CORO1C: variants seen among roughly 807,000 people sequenced by gnomAD.
CORO1C encodes coronin 1C.
CORO1C carries 14 observed loss-of-function variants against 51.2 expected under a neutral mutation model. The ratio of observed to expected loss-of-function variants is 0.27; its 90% CI spans 0.18 to 0.43. The LOEUF is 0.43. Ranked by LOEUF, CORO1C falls within the 20% of genes least tolerant of loss-of-function variation. CORO1C has a pLI of 1.00. For missense variants in CORO1C, 417 were observed against 607.8 expected (o/e 0.69, Z 3.30); for synonymous variants, 181 against 210.5 (o/e 0.86, Z 1.21).
chr12:108,717,345 A>G (rs1291886285), intron 1 of CORO1C, among the ~76,000 whole-genome samples: 1 of 152,268 alleles, frequency 6.6e-6, no homozygotes, highest in Non-Finnish European at 1.5e-5. Flanking sequence ...TTTCTAGGCC[A>G]TGTTAAGGAT....
intron 4 of CORO1C, among the ~76,000 whole-genome samples, chr12:108,659,856 A>G (rs2033182400): frequency 6.6e-6 from 1 of 152,220 alleles, no homozygotes; most frequent in South Asian, 2.1e-4. Flanking sequence ...TCATGGTGAG[A>G]AGCCCAAACT....
chr12:108,673,456 A>G (rs558953526), intron 3 of CORO1C, among the ~76,000 whole-genome samples: 4 of 152,254 alleles, frequency 2.6e-5, no homozygotes, highest in African/African-American at 7.2e-5. Context: ...TACAAGGGAA[A>G]GCAGCAAGTG....
chr12:108,711,675 G>A (rs539569330), intron 1 of CORO1C, among the ~76,000 whole-genome samples: 69 of 139,750 alleles, frequency 4.9e-4, no homozygotes, highest in South Asian at 3.1e-3. Context: ...GCAAAACTCC[G>A]TCTCAAAAAA....
intron 8 of CORO1C, chr12:108,652,042 A>ATTTTTTT (rs771285904): frequency 5.1e-6 from 1 of 195,696 alleles, no homozygotes; most frequent in Non-Finnish European, 8.4e-6. Context: ...AAAAAGTGAG[A>ATTTTTTT]TTTTTTTCTT....
At chr12:108,679,490 CT>C (rs1378350316) in intron 2 of CORO1C, among the ~76,000 whole-genome samples, 1 of 152,156 alleles carries the variant, frequency 6.6e-6, no homozygotes, top group Non-Finnish European at 1.5e-5. Flanking sequence ...AAGTGGTTTC[CT>C]TTTTAAAATA....
At chr12:108,677,634 G>A (rs977177233) in intron 3 of CORO1C, among the ~76,000 whole-genome samples, 1 of 152,172 alleles carries the variant, frequency 6.6e-6, no homozygotes, top group Admixed American at 6.5e-5. Flanking sequence ...GGGGCGAGGG[G>A]AAATTCATGT....
chr12:108,667,283 T>C lies in CORO1C; in HGVS notation c.319-5125A>G, dbSNP rs1300746182. On this transcript the variant is annotated intron_variant, in intron 3 of 10. Transcript: ENST00000261401. ...CATTATGTGTGAAAGCTCTGGTTTA[T>C]ACCTAGGCCAATTACCACAGTAAGG... Among the ~76,000 whole-genome samples, 3 of 152,226 alleles carry C rather than the reference T, an allele frequency of 2.0e-5. No individual in the cohort carries two copies. In the East Asian group the frequency reaches 5.8e-4, roughly 29 times the overall value.
chr12:108,656,055 GTC>G (rs1401610201), intron 6 of CORO1C, among the ~76,000 whole-genome samples: 1 of 147,880 alleles, frequency 6.8e-6, no homozygotes, highest in Non-Finnish European at 1.5e-5. Context: ...GGTTAGGAGC[GTC>G]TCTGCCTGGC....
intron 1 of CORO1C, among the ~76,000 whole-genome samples, chr12:108,716,823 C>T (rs759679794): frequency 6.6e-6 from 1 of 152,234 alleles, no homozygotes. Flanking sequence ...CAGGGTTATA[C>T]GTATTACATA....
At chr12:108,670,358 T>C (rs2033670884) in intron 3 of CORO1C, among the ~76,000 whole-genome samples, 1 of 152,164 alleles carries the variant, frequency 6.6e-6, no homozygotes, top group Non-Finnish European at 1.5e-5. Flanking sequence ...ACATGGGTAC[T>C]GAATTTAAAA....
intron 10 of CORO1C, among the ~76,000 whole-genome samples, chr12:108,648,021 T>C (rs1318128548): frequency 6.6e-5 from 10 of 152,034 alleles, no homozygotes; most frequent in Non-Finnish European, 1.5e-4. Context: ...CAGGACCTGC[T>C]CTCCCGGCAA....
intron 1 of CORO1C, among the ~76,000 whole-genome samples, chr12:108,722,976 A>C (rs1162300696): frequency 6.6e-6 from 1 of 152,250 alleles, no homozygotes; most frequent in African/African-American, 2.4e-5. Context: ...AGTGGCCCAC[A>C]GAAGAGAGAG....
intron 1 of CORO1C, among the ~76,000 whole-genome samples, chr12:108,714,463 C>T (rs1264229722): frequency 1.3e-5 from 2 of 150,098 alleles, no homozygotes; most frequent in Non-Finnish European, 3.0e-5. Context: ...AACACACACA[C>T]ACACCCCAAG....
chr12:108,680,637 G>A (rs774262858), intron 2 of CORO1C, among the ~76,000 whole-genome samples: 2 of 152,152 alleles, frequency 1.3e-5, no homozygotes, highest in Non-Finnish European at 2.9e-5. Context: ...TATTCCTTAA[G>A]AGCTGATGTG....
intron 3 of CORO1C, among the ~76,000 whole-genome samples, chr12:108,677,101 A>C (rs1341289114): frequency 2.0e-5 from 3 of 152,218 alleles, no homozygotes; most frequent in Non-Finnish European, 4.4e-5. Flanking sequence ...GAGGAAAATA[A>C]AAGTAGCATG....
rs764153352 is a variant in CORO1C, at chr12:108,701,149, G to A, written c.170C>T (p.Ala57Val). The A allele has an allele frequency of 5.0e-6, 8 of 1,614,106 alleles. No individual in the cohort carries two copies. The highest frequency in any genetic ancestry group is 1.1e-5 in the South Asian group (1 of 91,078). Residue 57 changes from alanine to valine, a missense_variant, in exon 2 of 11, where the codon GCG becomes GTG. Ala to Val is a moderately conservative substitution (Grantham distance 64). Coordinates refer to ENST00000261401, the MANE Select transcript of CORO1C (RefSeq NM_014325.4). ...CTTGTGCAGAGGGAGGACAAGGAAC[G>A]CTCCTCCCCCACTTGCCTCTATGAT... is the stretch of plus-strand genomic sequence containing the variant. ...AIIIEASGGG[A>V]FLVLPLHKTG...
chr12:108,681,600 GA>G (rs1435331891), intron 2 of CORO1C, among the ~76,000 whole-genome samples: 2 of 152,106 alleles, frequency 1.3e-5, no homozygotes, highest in African/African-American at 4.8e-5. Flanking sequence ...TCCATACCCA[GA>G]AAAACTATCA....
At chr12:108,716,846 T>C (rs1415413215) in intron 1 of CORO1C, among the ~76,000 whole-genome samples, 1 of 152,206 alleles carries the variant, frequency 6.6e-6, no homozygotes, top group African/African-American at 2.4e-5. Flanking sequence ...TACTCAACTA[T>C]GAATGTTGAA....
chr12:108,654,248 G>C, intron 7 of CORO1C, 58 bp downstream of exon 7: 1 of 1,106,674 alleles, frequency 9.0e-7, no homozygotes, highest in African/African-American at 1.5e-5. Flanking sequence ...CTAAATCTCT[G>C]AAGGATAAAT....
Sources: gnomAD v4.1 joint callset for allele counts (sites outside exome capture counted in the v4.1 genomes callset) on GRCh38, gnomAD v4.1.1 for gene constraint, MANE v1.5 for transcripts, NCBI Gene and HGNC (gene_info 2026-07-23, HGNC 2026-07-21) for gene names.